PTPRK: variants seen among roughly 807,000 people sequenced by gnomAD.
The protein encoded by PTPRK is protein tyrosine phosphatase receptor type K, also known as receptor-type tyrosine-protein phosphatase kappa.
A neutral mutation model predicts 178.0 loss-of-function variants in PTPRK; 75 were observed. That is an observed-to-expected ratio of 0.42 (90% confidence interval 0.35 to 0.51). The LOEUF is 0.51. PTPRK is among the 20% of genes least tolerant of loss of function. The pLI is 0.02. For synonymous variants in PTPRK, 637 were observed against 620.6 expected, an observed-to-expected ratio of 1.03 and a Z score of -0.39; for missense variants, 1,441 against 1,797.8, an observed-to-expected ratio of 0.80 and a Z score of 3.59.
At chr6:128,213,030 A>G (rs1400118330) in intron 6 of PTPRK, among the ~76,000 whole-genome samples, 1 of 152,064 alleles carries the variant, frequency 6.6e-6, no homozygotes. Flanking sequence ...TATTAGATTT[A>G]AAAGCCATAA....
chr6:128,440,937 T>C (rs956860794), intron 1 of PTPRK, among the ~76,000 whole-genome samples: 23 of 152,042 alleles, frequency 1.5e-4, no homozygotes, highest in Admixed American at 4.6e-4. Flanking sequence ...GGGAAGGTGT[T>C]GTTAGATACA....
intron 1 of PTPRK, among the ~76,000 whole-genome samples, chr6:128,489,636 A>G (rs1853478493): frequency 6.6e-6 from 1 of 152,256 alleles, no homozygotes; most frequent in Non-Finnish European, 1.5e-5. Context: ...GTATTAAATT[A>G]CACTATATGA....
At chr6:127,999,050 C>T (rs564245559) in intron 15 of PTPRK, 146 bp from the exon 16 acceptor site, 2 of 594,384 alleles carry the variant, frequency 3.4e-6, no homozygotes, top group South Asian at 5.2e-5. Flanking sequence ...ACAGTATAGG[C>T]CTAGACAGTA....
chr6:128,275,321 T>C (rs1394960927), intron 3 of PTPRK, among the ~76,000 whole-genome samples: 1 of 152,084 alleles, frequency 6.6e-6, no homozygotes, highest in East Asian at 1.9e-4. Flanking sequence ...TTTTTCTATG[T>C]GAAGCTGAGT....
intron 7 of PTPRK, among the ~76,000 whole-genome samples, chr6:128,105,385 A>G (rs1789549730): frequency 6.6e-6 from 1 of 152,076 alleles, no homozygotes. Flanking sequence ...CGCCCACCTC[A>G]GCCTCCCAAA....
At chr6:128,409,293 C>A (rs1433442710) in intron 1 of PTPRK, 2 of 454,050 alleles carry the variant, frequency 4.4e-6, no homozygotes, top group South Asian at 3.1e-5. Context: ...ACATAACTTA[C>A]CTCCTTTTCA....
intron 3 of PTPRK, among the ~76,000 whole-genome samples, chr6:128,262,812 T>TC (rs1388456713): frequency 6.6e-6 from 1 of 150,772 alleles, no homozygotes; most frequent in East Asian, 1.9e-4. Context: ...GGTACTTCTT[T>TC]TTTTTTTTTC....
intron 7 of PTPRK, among the ~76,000 whole-genome samples, chr6:128,126,283 G>T (rs1269776586): frequency 2.0e-5 from 3 of 151,822 alleles, no homozygotes; most frequent in East Asian, 3.9e-4. Flanking sequence ...TGTTTTCATT[G>T]TTCATTTATG....
In PTPRK at chr6:128,000,742, G is replaced by A. The variant is rs182672252; in HGVS notation, c.2495-1838C>T. ...GCACTGCCACAGAATATACAGTTAA[G>A]GATGAGAAGTAAAGAGAACAGATAA... On this transcript the variant is annotated intron_variant, in intron 15 of 29. Transcript: ENST00000368226. 1.9e-3 allele frequency among the ~76,000 whole-genome samples: 291 copies of A among 152,140 alleles called. 1 individual carries two copies. Among genetic ancestry groups the A allele is most frequent in the African/African-American group, 6.6e-3 (276 of 41,536 alleles).
chr6:128,464,638 C>CATATATATATATATATGTATATATAT lies in PTPRK; in HGVS notation c.100+55620_100+55621insATATATATACATATATATATATATAT. On this transcript the variant is annotated intron_variant, in intron 1 of 29. Transcript: ENST00000368226. ...ACATATACATATATATATATATACACATATATATATATATATATATATATA... is the reference window on the plus strand; with the variant it reads ...ACATATACATATATATATATATACACATATATATATATATATGTATATATATATATATATATATATATATATATATA... Among the ~76,000 whole-genome samples, 3 of 48,608 alleles carry CATATATATATATATATGTATATATAT rather than the reference C, an allele frequency of 6.2e-5. 1 individual carries two copies. The East Asian group carries it at 2.5e-3, about 40-fold the overall frequency. 31.9% of individuals were successfully genotyped at this position (48,608 alleles called of 152,430 possible). A position where few individuals can be genotyped will look rare whatever the true frequency, so the allele number is the denominator to read the frequency against.
chr6:128,449,052 G>T (rs1301994281), intron 1 of PTPRK, among the ~76,000 whole-genome samples: 3 of 151,968 alleles, frequency 2.0e-5, no homozygotes, highest in Non-Finnish European at 4.4e-5. Flanking sequence ...AGTAGAGACG[G>T]GGTTTCACCA....
chr6:128,317,834 T>C (rs184788380), intron 3 of PTPRK, among the ~76,000 whole-genome samples: 1 of 152,254 alleles, frequency 6.6e-6, no homozygotes, highest in African/African-American at 2.4e-5. Flanking sequence ...TCCTTCCTAA[T>C]TGACCAGAAC....
intron 1 of PTPRK, among the ~76,000 whole-genome samples, chr6:128,407,185 T>A (rs1290561811): frequency 3.3e-5 from 5 of 152,194 alleles, no homozygotes; most frequent in African/African-American, 1.2e-4. Flanking sequence ...TAGGAAAACA[T>A]CTAGATCAAG....
rs201022956 is a variant in PTPRK at position 128,184,404 on chromosome 6, G to A, written c.1162+28C>T. On this transcript the variant is annotated intron_variant, in intron 7 of 29. Transcript: ENST00000368226. ...GTCTTATGCTAGATTCCTTCACAAG[G>A]TAGAAAAGGTCTGCTACTCAGTCTT... The A allele has an allele frequency of 4.7e-5, 76 of 1,604,836 alleles. No individual in the cohort carries two copies. The African/African-American group carries it at 9.5e-4, about 20-fold the overall frequency.
intron 6 of PTPRK, among the ~76,000 whole-genome samples, chr6:128,203,070 G>T (rs762692323): frequency 6.6e-6 from 1 of 152,148 alleles, no homozygotes; most frequent in Non-Finnish European, 1.5e-5. Flanking sequence ...GATCAAGTTG[G>T]CTTCTTCCCC....
chr6:127,973,060 T>C lies in PTPRK; in HGVS notation c.4231A>G (p.Thr1411Ala). ...NVVDVFHAVK[T>A]LRNSKPNMVE... Reference sequence around the variant, plus strand: ...ATGTTTGGCTTGCTGTTCCTCAGTGTCTTTACTGCATGGAAAACATCGACA... The same window carrying C: ...ATGTTTGGCTTGCTGTTCCTCAGTGCCTTTACTGCATGGAAAACATCGACA... Residue 1411 changes from threonine (T) to alanine (A), a missense_variant, in exon 29 of 30, where the codon ACA becomes GCA. This residue lies in a region of PTPRK where 335 missense variants were observed against 512.4 expected (regional missense o/e 0.65). Coordinates refer to ENST00000368226, the MANE Select transcript of PTPRK (RefSeq NM_002844.4). The C allele has an allele frequency of 6.2e-7, 1 of 1,614,116 alleles. No homozygotes were observed. The highest frequency in any genetic ancestry group is 8.5e-7 in the Non-Finnish European group (1 of 1,179,972).
chr6:128,476,575 G>A (rs1851402097), intron 1 of PTPRK, among the ~76,000 whole-genome samples: 1 of 151,848 alleles, frequency 6.6e-6, no homozygotes, highest in South Asian at 2.1e-4. Context: ...ACAATACACT[G>A]GAGAATCATA....
rs140316143 is a variant in PTPRK, at chr6:128,278,242, C to T, written c.496-35640G>A. 3.2e-3 allele frequency among the ~76,000 whole-genome samples: 479 copies of T among 151,956 alleles called. 1 individual carries two copies. Among genetic ancestry groups the T allele is most frequent in the Non-Finnish European group, 5.1e-3 (348 of 67,950 alleles). ...CGTGATCTTAGCTTCTTGCAACCTC[C>T]GCTTCCTGGGTTCATGCGATTCTCC... is the stretch of plus-strand genomic sequence containing the variant. On this transcript the variant is annotated intron_variant, in intron 3 of 29. Transcript: ENST00000368226.
intron 13 of PTPRK, among the ~76,000 whole-genome samples, chr6:128,060,942 T>C (rs184192701): frequency 2.6e-5 from 4 of 152,298 alleles, no homozygotes; most frequent in Admixed American, 2.0e-4. Context: ...CTGTAACCTG[T>C]TTGATTAAAC....
Sources: gnomAD v4.1 joint callset for allele counts (sites outside exome capture counted in the v4.1 genomes callset) on GRCh38, gnomAD v4.1.1 for gene constraint, gnomAD v4.1.1 regional missense constraint, MANE v1.5 for transcripts, NCBI Gene and HGNC (gene_info 2026-07-23, HGNC 2026-07-21) for gene names.